RBFOX1: variants seen among roughly 807,000 people sequenced by gnomAD.
RBFOX1 encodes RNA binding protein fox-1 homolog 1.
Under a neutral mutation model 57.7 loss-of-function variants are expected in RBFOX1, and 8 were observed. That is an observed-to-expected ratio of 0.14 (90% CI 0.08 to 0.25). RBFOX1 has a LOEUF of 0.25. RBFOX1 is among the 10% of genes least tolerant of loss of function. The pLI is 1.00. For missense variants in RBFOX1, 611 were observed against 548.5 expected (o/e 1.11, Z -1.14); for synonymous variants, 326 against 222.4 (o/e 1.47, Z -4.15).
intron 4 of RBFOX1, among the ~76,000 whole-genome samples, chr16:5,960,593 G>C (rs755032386): frequency 4.6e-5 from 7 of 152,018 alleles, no homozygotes; most frequent in African/African-American, 1.7e-4. Context: ...GTGTTAATCA[G>C]ATTCATGCCG....
At chr16:5,261,853 C>G (rs1051419594) in intron 1 of RBFOX1, among the ~76,000 whole-genome samples, 5 of 152,124 alleles carry the variant, frequency 3.3e-5, no homozygotes, top group African/African-American at 9.7e-5. Flanking sequence ...TAAGCCCAGC[C>G]TCATTGTGCT....
At chr16:6,202,614 T>A (rs1001603512) in intron 1 of RBFOX1, among the ~76,000 whole-genome samples, 2 of 152,172 alleles carry the variant, frequency 1.3e-5, no homozygotes, top group African/African-American at 2.4e-5. Context: ...TATTGAGGTA[T>A]AATTGGTATT....
chr16:5,808,081 A>G (rs940572551), intron 3 of RBFOX1, among the ~76,000 whole-genome samples: 10 of 152,190 alleles, frequency 6.6e-5, no homozygotes, highest in African/African-American at 2.4e-4. Context: ...TCCCATTTCA[A>G]ACGCTGAAGT....
intron 4 of RBFOX1, among the ~76,000 whole-genome samples, chr16:7,378,872 T>G (rs552151591): frequency 6.6e-6 from 1 of 152,292 alleles, no homozygotes; most frequent in East Asian, 1.9e-4. Context: ...AGTGTATTAT[T>G]AAGTGGCAAT....
chr16:5,660,952 C>T (rs899877183), intron 3 of RBFOX1, among the ~76,000 whole-genome samples: 1 of 152,122 alleles, frequency 6.6e-6, no homozygotes, highest in Non-Finnish European at 1.5e-5. Flanking sequence ...TTAGAGGTCC[C>T]AGAATGGCTT....
At position 6,724,972 on chromosome 16, in the gene RBFOX1, T is replaced by C. The variant is rs957604054; in HGVS notation, c.-16+70322T>C. ...AGTGTCTTTTGGCATGCAAATGCATTACAAATAGTGTATAATGAGTAATGG... is the reference window on the plus strand; with the variant it reads ...AGTGTCTTTTGGCATGCAAATGCATCACAAATAGTGTATAATGAGTAATGG... On this transcript the variant is annotated intron_variant, in intron 3 of 15. Coordinates refer to ENST00000550418, the MANE Select transcript of RBFOX1 (RefSeq NM_018723.4). 9.2e-5 allele frequency among the ~76,000 whole-genome samples: 14 copies of C among 152,060 alleles called. 1 individual carries two copies. Among genetic ancestry groups the C allele is most frequent in the African/African-American group, 3.4e-4 (14 of 41,506 alleles).
chr16:6,456,268 G>T (rs560725992), intron 2 of RBFOX1, among the ~76,000 whole-genome samples: 66 of 152,274 alleles, frequency 4.3e-4, no homozygotes, highest in African/African-American at 1.6e-3. Flanking sequence ...ATTAGTGTGT[G>T]TGTATGTGTG....
intron 2 of RBFOX1, among the ~76,000 whole-genome samples, chr16:6,570,244 G>A (rs774530230): frequency 2.6e-5 from 4 of 152,146 alleles, no homozygotes; most frequent in Admixed American, 6.5e-5. Flanking sequence ...TACCCATTGT[G>A]TATTGTTCCC....
intron 2 of RBFOX1, among the ~76,000 whole-genome samples, chr16:6,344,585 G>C (rs2085071252): frequency 1.3e-5 from 2 of 150,266 alleles, no homozygotes; most frequent in Admixed American, 1.3e-4. Context: ...TTTTAGTAGA[G>C]ACGGCGTTTC....
intron 3 of RBFOX1, among the ~76,000 whole-genome samples, chr16:5,854,571 C>G (rs370177444): frequency 7.5e-5 from 10 of 134,142 alleles, no homozygotes; most frequent in African/African-American, 2.5e-4. Flanking sequence ...CCCCCACACA[C>G]AAGCACACAT....
chr16:6,028,731 T>A (rs2095243327), intron 1 of RBFOX1, among the ~76,000 whole-genome samples: 1 of 152,120 alleles, frequency 6.6e-6, no homozygotes, highest in Non-Finnish European at 1.5e-5. Flanking sequence ...CATTTCTGAT[T>A]TGGAGAGATT....
intron 2 of RBFOX1, among the ~76,000 whole-genome samples, chr16:6,385,023 G>C (rs1042971136): frequency 6.6e-6 from 1 of 152,094 alleles, no homozygotes; most frequent in South Asian, 2.1e-4. Flanking sequence ...CTCCCTGTTT[G>C]CTATCTACAA....
At chr16:5,520,004 T>C (rs1178144183) in intron 2 of RBFOX1, among the ~76,000 whole-genome samples, 1 of 152,204 alleles carries the variant, frequency 6.6e-6, no homozygotes, top group East Asian at 1.9e-4. Flanking sequence ...TGGAAGTGGA[T>C]ATTAAAGGAG....
chr16:5,336,754 G>GC (rs977564216), intron 1 of RBFOX1, among the ~76,000 whole-genome samples: 1 of 152,170 alleles, frequency 6.6e-6, no homozygotes, highest in Non-Finnish European at 1.5e-5. Context: ...TGCCCCTCCA[G>GC]CCCCCCTCCT....
At chr16:7,011,570 G>A (rs561812269) in intron 3 of RBFOX1, among the ~76,000 whole-genome samples, 137 of 152,288 alleles carry the variant, frequency 9.0e-4, no homozygotes, top group African/African-American at 3.2e-3. Context: ...CTGGAGTGCA[G>A]TGGCATGATC....
At chr16:6,757,636 G>A (rs947601310) in intron 3 of RBFOX1, among the ~76,000 whole-genome samples, 1 of 152,168 alleles carries the variant, frequency 6.6e-6, no homozygotes, top group South Asian at 2.1e-4. Context: ...GTGGTTACCA[G>A]AGGCTGGGAA....
At chr16:5,456,422 G>C (rs1421871016) in intron 1 of RBFOX1, among the ~76,000 whole-genome samples, 2 of 152,146 alleles carry the variant, frequency 1.3e-5, no homozygotes, top group Admixed American at 6.5e-5. Context: ...TTGAAAGGTT[G>C]GGTTGTGGAA....
chr16:5,265,973 A>C (rs1044905306), intron 1 of RBFOX1, among the ~76,000 whole-genome samples: 1 of 152,128 alleles, frequency 6.6e-6, no homozygotes, highest in Non-Finnish European at 1.5e-5. Context: ...ATGCCATTTC[A>C]AGAAAAATCA....
At chr16:6,683,985 C>T (rs193065485) in intron 3 of RBFOX1, among the ~76,000 whole-genome samples, 27 of 152,230 alleles carry the variant, frequency 1.8e-4, no homozygotes, top group African/African-American at 5.5e-4. Flanking sequence ...CATGTTACCC[C>T]GACATGTTAC....
Sources: allele counts gnomAD v4.1 joint callset (sites outside exome capture counted in the v4.1 genomes callset), GRCh38; gene constraint gnomAD v4.1.1; transcripts MANE v1.5; gene names NCBI Gene and HGNC (gene_info 2026-07-23, HGNC 2026-07-21).